SGCD: variants seen among roughly 807,000 people sequenced by gnomAD.
The protein encoded by SGCD is sarcoglycan delta.
In SGCD, 18 loss-of-function variants were observed where a neutral mutation model predicts 36.6. The observed-to-expected ratio is 0.49, with a 90% CI of 0.34 to 0.73. The LOEUF is 0.73. Ranked by LOEUF, SGCD falls within the 30% of genes least tolerant of loss-of-function variation. The probability of loss-of-function intolerance (pLI) is 0.01; values close to 1 mark genes in which losing one functional copy is unlikely to be tolerated. For synonymous variants in SGCD, 133 were observed against 130.6 expected, an observed-to-expected ratio of 1.02 and a Z score of -0.12; for missense variants, 387 against 346.7, an observed-to-expected ratio of 1.12 and a Z score of -0.92.
chr5:155,763,603 A>G, the SGCD span, among the ~76,000 whole-genome samples: 1 of 152,302 alleles, frequency 6.6e-6, no homozygotes, highest in South Asian at 2.1e-4. Context: ...AGACAATAGA[A>G]AAAACTAAAG....
chr5:155,961,749 A>G (rs781137717), intron 1 of SGCD, among the ~76,000 whole-genome samples: 4 of 152,046 alleles, frequency 2.6e-5, no homozygotes, highest in Non-Finnish European at 4.4e-5. Context: ...TTGGTTTGCT[A>G]CGGAATCACT....
intron 3 of SGCD, among the ~76,000 whole-genome samples, chr5:156,356,605 T>A (rs1769503080): frequency 6.6e-6 from 1 of 152,210 alleles, no homozygotes; most frequent in South Asian, 2.1e-4. Flanking sequence ...GCTCCACTTC[T>A]TCATGGGGGA....
intron 7 of SGCD, among the ~76,000 whole-genome samples, chr5:156,657,313 G>A (rs1346780398): frequency 6.6e-6 from 1 of 151,040 alleles, no homozygotes; most frequent in African/African-American, 2.4e-5. Flanking sequence ...TGTTACATAT[G>A]TATACATGTG....
the SGCD span, among the ~76,000 whole-genome samples, chr5:155,773,445 G>A: frequency 6.6e-5 from 10 of 152,120 alleles, no homozygotes; most frequent in Admixed American, 5.2e-4. Context: ...CTCCCAATGT[G>A]CTGGGTTTAC....
chr5:156,392,376 C>G (rs780386357), intron 3 of SGCD, among the ~76,000 whole-genome samples: 20 of 152,126 alleles, frequency 1.3e-4, no homozygotes, highest in Non-Finnish European at 2.5e-4. Flanking sequence ...TCCCTTGCCC[C>G]CTCTTAGGAC....
At chr5:155,893,743 A>G (rs1756186453) in intron 1 of SGCD, among the ~76,000 whole-genome samples, 1 of 152,246 alleles carries the variant, frequency 6.6e-6, no homozygotes, top group Non-Finnish European at 1.5e-5. Flanking sequence ...GCCACTTAAC[A>G]ACAGGAATAC....
At chr5:156,046,178 A>G (rs1422865005) in intron 1 of SGCD, among the ~76,000 whole-genome samples, 1 of 152,082 alleles carries the variant, frequency 6.6e-6, no homozygotes, top group South Asian at 2.1e-4. Flanking sequence ...TCTCACTTTC[A>G]TGAGCTTCAT....
At chr5:156,131,554 C>A (rs1762324553) in intron 3 of SGCD, among the ~76,000 whole-genome samples, 1 of 152,210 alleles carries the variant, frequency 6.6e-6, no homozygotes, top group South Asian at 2.1e-4. Flanking sequence ...TTGTATGTGG[C>A]AGCTCAGGGT....
At chr5:156,386,243 G>T (rs62380724) in intron 3 of SGCD, among the ~76,000 whole-genome samples, 23,571 of 152,120 alleles carry the variant, frequency 0.15, 1,928 homozygotes, top group South Asian at 0.22. Flanking sequence ...GTGTGACAAG[G>T]TAAAGAGGGT....
upstream of SGCD, among the ~76,000 whole-genome samples, chr5:155,868,105 G>A (rs1275500864): frequency 6.6e-6 from 1 of 151,700 alleles, no homozygotes; most frequent in African/African-American, 2.4e-5. Flanking sequence ...AGGCTGTAGT[G>A]CAGTGGTGCG....
the SGCD span, among the ~76,000 whole-genome samples, chr5:155,748,422 T>A: frequency 6.6e-6 from 1 of 152,122 alleles, no homozygotes; most frequent in Non-Finnish European, 1.5e-5. Flanking sequence ...TCCTACCTAA[T>A]CTGACTACTA....
chr5:156,742,713 A>G (rs1756747318), intron 7 of SGCD, among the ~76,000 whole-genome samples: 1 of 152,170 alleles, frequency 6.6e-6, no homozygotes. Flanking sequence ...GTGTTGTTCC[A>G]GTTCATGTCA....
the SGCD span, among the ~76,000 whole-genome samples, chr5:155,757,584 C>G: frequency 2.0e-5 from 3 of 152,092 alleles, no homozygotes; most frequent in Non-Finnish European, 4.4e-5. Flanking sequence ...ACATAGACAC[C>G]CAGCTACTGT....
At chr5:156,583,888 C>T (rs1409749058) in intron 4 of SGCD, among the ~76,000 whole-genome samples, 1 of 152,096 alleles carries the variant, frequency 6.6e-6, no homozygotes. Flanking sequence ...GAGGAAACTG[C>T]CTTCCATTTG....
intron 1 of SGCD, among the ~76,000 whole-genome samples, chr5:155,881,946 C>CTT (rs890130756): frequency 2.6e-5 from 4 of 152,226 alleles, no homozygotes; most frequent in Non-Finnish European, 5.9e-5. Context: ...TGAGGCTCCA[C>CTT]TTATTCTAAT....
intron 7 of SGCD, among the ~76,000 whole-genome samples, chr5:156,695,512 GATA>G (rs1754280648): frequency 2.7e-3 from 2 of 736 alleles, no homozygotes; most frequent in African/African-American, 0.011. Context: ...TAGATAGATG[GATA>G]GATAGATAGA....
At chr5:155,727,949 G>T in the SGCD span, among the ~76,000 whole-genome samples, 1 of 152,302 alleles carries the variant, frequency 6.6e-6, no homozygotes, top group East Asian at 1.9e-4. Context: ...CCTTGGCGGA[G>T]ACACGTAGTC....
intron 3 of SGCD, among the ~76,000 whole-genome samples, chr5:156,312,805 A>G (rs1767422150): frequency 6.6e-6 from 1 of 152,164 alleles, no homozygotes; most frequent in African/African-American, 2.4e-5. Context: ...GTTAGCTCTT[A>G]AGAAAATTAG....
chr5:155,925,414 C>T (rs536753245), intron 1 of SGCD, among the ~76,000 whole-genome samples: 25 of 152,322 alleles, frequency 1.6e-4, no homozygotes, highest in Non-Finnish European at 2.8e-4. Context: ...GCCAAGGCCA[C>T]ATTCTCTCTG....
Sources: allele counts gnomAD v4.1 joint callset (sites outside exome capture counted in the v4.1 genomes callset), GRCh38; gene constraint gnomAD v4.1.1; transcripts MANE v1.5; gene names NCBI Gene and HGNC (gene_info 2026-07-23, HGNC 2026-07-21).